The following YEATS2 variants were observed in gnomAD, a reference collection of about 807,000 sequenced individuals.
YEATS2 encodes YEATS domain-containing protein 2.
Under a neutral mutation model 163.2 loss-of-function variants are expected in YEATS2, and 77 were observed. The observed-to-expected ratio is 0.47, with a 90% CI of 0.39 to 0.57. The LOEUF is 0.57. Among genes scored for constraint, YEATS2 ranks in the 20% least tolerant of loss-of-function variants. The pLI, the probability that YEATS2 is intolerant of heterozygous loss-of-function variation, is 0.00. For missense variants in YEATS2, 1,549 were observed against 1,729.8 expected (o/e 0.90, Z 1.85); for synonymous variants, 631 against 645.1 (o/e 0.98, Z 0.33).
At chr3:183,808,451 G>A (rs1726449765) in intron 29 of YEATS2, among the ~76,000 whole-genome samples, 1 of 152,156 alleles carries the variant, frequency 6.6e-6, no homozygotes, top group African/African-American at 2.4e-5. Context: ...CTGGCAAGGG[G>A]ACGAAAATGC....
chr3:183,799,003 C>T lies in YEATS2; in HGVS notation c.3325+14C>T. Reference sequence around the variant, plus strand: ...CTGTTGCAAAAGGTACGTAGGATCTCACAGAGTTCTCGTCCAGAAGTTTTG... The same window carrying T: ...CTGTTGCAAAAGGTACGTAGGATCTTACAGAGTTCTCGTCCAGAAGTTTTG... On this transcript the variant is annotated intron_variant, in intron 23 of 30. Transcript: ENST00000305135. 6.3e-7 allele frequency: 1 copy of T among 1,598,740 alleles called. No homozygotes were observed. The highest frequency in any genetic ancestry group is 8.6e-7 in the Non-Finnish European group (1 of 1,165,932).
intron 27 of YEATS2, among the ~76,000 whole-genome samples, chr3:183,804,938 G>A (rs900110317): frequency 6.6e-6 from 1 of 151,606 alleles, no homozygotes; most frequent in Non-Finnish European, 1.5e-5. Flanking sequence ...GCAGTGAGCC[G>A]AGATTGCACC....
intron 2 of YEATS2, among the ~76,000 whole-genome samples, chr3:183,716,085 G>A (rs1370622870): frequency 1.3e-5 from 2 of 151,758 alleles, no homozygotes; most frequent in African/African-American, 4.8e-5. Context: ...TCAGCCTCCC[G>A]AGTAGCTGGG....
chr3:183,702,207 G>T (rs546176460), intron 1 of YEATS2, among the ~76,000 whole-genome samples: 2 of 152,294 alleles, frequency 1.3e-5, no homozygotes, highest in South Asian at 2.1e-4. Context: ...CACTTTGGGA[G>T]GCCAAGGCGG....
intron 15 of YEATS2, among the ~76,000 whole-genome samples, chr3:183,764,393 G>C (rs969647628): frequency 9.8e-6 from 1 of 101,902 alleles, no homozygotes; most frequent in Admixed American, 1.0e-4. Context: ...AAAAAAAAAA[G>C]ATATCATATA....
At chr3:183,784,063 G>A (rs1177790627) in intron 19 of YEATS2, among the ~76,000 whole-genome samples, 1 of 152,090 alleles carries the variant, frequency 6.6e-6, no homozygotes, top group East Asian at 1.9e-4. Context: ...GTGACACCAT[G>A]GCCAGCTAAC....
In YEATS2 at chr3:183,717,650, G is replaced by A; in HGVS notation, c.101-1G>A. On this transcript the variant is annotated splice_acceptor_variant, in intron 2 of 30. Coordinates refer to ENST00000305135, the MANE Select transcript of YEATS2 (RefSeq NM_018023.5). LOFTEE classifies it high-confidence loss of function. The stretch of plus-strand genomic sequence containing the variant: ...GGATGTATTTTATGTTCTTTGTACA[G>A]CTCGAGATGCTGCTGTGCAGAAGAT... 6.4e-7 allele frequency: 1 copy of A among 1,561,030 alleles called. No individual in the cohort carries two copies. The highest frequency in any genetic ancestry group is 2.4e-5 in the East Asian group (1 of 40,938).
At chr3:183,755,253 G>A (rs1292498121) in intron 11 of YEATS2, among the ~76,000 whole-genome samples, 1 of 152,144 alleles carries the variant, frequency 6.6e-6, no homozygotes, top group Non-Finnish European at 1.5e-5. Context: ...AAGTAGCTGG[G>A]ACTGCAGGCA....
rs191715846 is a variant in YEATS2, at chr3:183,749,210, T to C, written c.969+1494T>C. On this transcript the variant is annotated intron_variant, in intron 9 of 30. Transcript: ENST00000305135. The stretch of plus-strand genomic sequence containing the variant: ...CGCCCATCTCGGCCTCCCAAAGTGC[T>C]GGGATTACAGGCGTGAGCCATGGCG... 8.9e-3 allele frequency among the ~76,000 whole-genome samples: 1,356 copies of C among 152,334 alleles called. 15 individuals are homozygous for C. Among genetic ancestry groups the C allele is most frequent in the African/African-American group, 0.031 (1,280 of 41,564 alleles).
chr3:183,722,524 C>G (rs925626295), intron 5 of YEATS2, among the ~76,000 whole-genome samples: 4 of 152,120 alleles, frequency 2.6e-5, no homozygotes, highest in African/African-American at 9.7e-5. Flanking sequence ...CTCCTGACCT[C>G]GTGATCTTCC....
At chr3:183,700,265 A>T (rs1484356632) in intron 1 of YEATS2, among the ~76,000 whole-genome samples, 2 of 152,124 alleles carry the variant, frequency 1.3e-5, no homozygotes, top group Admixed American at 1.3e-4. Flanking sequence ...ACTGTGGGTT[A>T]TTTTTTATTA....
At chr3:183,723,495 T>C (rs76241767) in intron 5 of YEATS2, among the ~76,000 whole-genome samples, 4,208 of 152,134 alleles carry the variant, frequency 0.028, 198 homozygotes, top group African/African-American at 0.096. Flanking sequence ...TAAAAAAGAA[T>C]AGAAAAGTTC....
At chr3:183,700,718 C>T (rs1459408204) in intron 1 of YEATS2, among the ~76,000 whole-genome samples, 4 of 120,380 alleles carry the variant, frequency 3.3e-5, no homozygotes, top group Non-Finnish European at 4.7e-5. Context: ...TTGCAGTGAA[C>T]GGAGATCGCG....
At chr3:183,699,126 TG>T (rs1713801793) in intron 1 of YEATS2, among the ~76,000 whole-genome samples, 1 of 152,000 alleles carries the variant, frequency 6.6e-6, no homozygotes, top group East Asian at 1.9e-4. Context: ...GGCAGGGAGA[TG>T]GGGAAGTATA....
In YEATS2 at chr3:183,755,741, C is replaced by CTTTTTTTTTTTTTTTTT. The variant is rs57050296; in HGVS notation, c.1391-774_1391-758dup. 1.6e-4 allele frequency among the ~76,000 whole-genome samples: 13 copies of CTTTTTTTTTTTTTTTTT among 82,220 alleles called. 1 individual carries two copies. The highest frequency in any genetic ancestry group is 4.2e-4 in the African/African-American group (7 of 16,544). The allele number at this position is 82,220 out of a possible 152,430, so 53.9% of individuals were successfully genotyped here. ...ACTTACTGATTTTCTTCCTTCCTTT[C>CTTTTTTTTTTTTTTTTT]TTTTTTTTTTTTTTTTTTTTTTTTT... is the stretch of plus-strand genomic sequence containing the variant. On this transcript the variant is annotated intron_variant, in intron 11 of 30. Coordinates refer to ENST00000305135, the MANE Select transcript of YEATS2 (RefSeq NM_018023.5).
intron 21 of YEATS2, among the ~76,000 whole-genome samples, chr3:183,796,230 G>T (rs141407979): frequency 0.042 from 6,043 of 143,592 alleles, 416 homozygotes; most frequent in African/African-American, 0.15. Context: ...ACTCCTGACC[G>T]CAGGTGATCC....
intron 1 of YEATS2, among the ~76,000 whole-genome samples, chr3:183,711,340 G>A (rs1170108158): frequency 6.6e-6 from 1 of 151,890 alleles, no homozygotes; most frequent in East Asian, 1.9e-4. Context: ...GGGCGTGGTG[G>A]AGGGCACCTG....
chr3:183,720,063 G>A (rs1008998384), intron 4 of YEATS2, among the ~76,000 whole-genome samples: 1 of 152,006 alleles, frequency 6.6e-6, no homozygotes, highest in Non-Finnish European at 1.5e-5. Context: ...ATAGATTTGG[G>A]TTAAATATTT....
At chr3:183,718,288 A>G (rs1030401790) in intron 3 of YEATS2, among the ~76,000 whole-genome samples, 1 of 152,250 alleles carries the variant, frequency 6.6e-6, no homozygotes, top group Non-Finnish European at 1.5e-5. Flanking sequence ...ATACACATAA[A>G]TGTACATATT....
Sources: gnomAD v4.1 joint callset for allele counts (sites outside exome capture counted in the v4.1 genomes callset) on GRCh38, gnomAD v4.1.1 for gene constraint, MANE v1.5 for transcripts, NCBI Gene and HGNC (gene_info 2026-07-23, HGNC 2026-07-21) for gene names.